The following GLI3 variants were observed in gnomAD, a reference collection of about 807,000 sequenced individuals.
GLI3 encodes GLI family zinc finger 3, also known as transcription activator GLI3.
Under a neutral mutation model 100.8 loss-of-function variants are expected in GLI3, and 20 were observed. The observed-to-expected ratio is 0.20, with a 90% CI of 0.14 to 0.29. The LOEUF is 0.29. GLI3 is among the 10% of genes least tolerant of loss of function. GLI3 has a pLI of 1.00. For synonymous variants in GLI3, 938 were observed against 860.5 expected (o/e 1.09, Z -1.58); for missense variants, 2,040 against 2,128.5 (o/e 0.96, Z 0.82).
chr7:42,192,092 T>C (rs907937552), intron 2 of GLI3, among the ~76,000 whole-genome samples: 3 of 151,966 alleles, frequency 2.0e-5, no homozygotes, highest in African/African-American at 7.3e-5. Flanking sequence ...AATAGGAAAA[T>C]TGTACCTTAT....
chr7:42,135,374 T>C (rs1440380409), intron 3 of GLI3, among the ~76,000 whole-genome samples: 1 of 152,258 alleles, frequency 6.6e-6, no homozygotes, highest in Non-Finnish European at 1.5e-5. Flanking sequence ...TTTTCTTATT[T>C]TCCTGATGTA....
intron 2 of GLI3, among the ~76,000 whole-genome samples, chr7:42,208,001 A>C (rs961895260): frequency 2.0e-5 from 3 of 152,198 alleles, no homozygotes; most frequent in African/African-American, 7.2e-5. Flanking sequence ...CTACTAAAAA[A>C]TACAAAAATT....
chr7:42,031,845 C>T (rs971704921), intron 7 of GLI3, among the ~76,000 whole-genome samples: 8 of 152,012 alleles, frequency 5.3e-5, no homozygotes, highest in African/African-American at 1.7e-4. Flanking sequence ...ATTAACAAAC[C>T]GTTGTCTGAC....
chr7:42,241,153 G>C (rs1406004830), upstream of GLI3, among the ~76,000 whole-genome samples: 1 of 152,128 alleles, frequency 6.6e-6, no homozygotes, highest in Non-Finnish European at 1.5e-5. Flanking sequence ...AGGATCTAGG[G>C]GCTCCAATAA....
rs199711555 is a variant in GLI3 at position 42,148,130 on chromosome 7, A to AGC, written c.367+94_367+95dup. ...AATTATACAAGCCAAAACTTCATAA[A>AGC]GCGCGCACACACACACACACACACA... On this transcript the variant is annotated intron_variant, in intron 3 of 14. Transcript: ENST00000395925. 0.012 allele frequency: 14,696 copies of AGC among 1,189,180 alleles called. 94 individuals carry two copies. The highest frequency in any genetic ancestry group is 0.013 in the Non-Finnish European group (11,828 of 888,094). The allele number at this position is 1,189,180 out of a possible 1,614,324, so 73.7% of individuals were successfully genotyped here.
chr7:42,106,882 T>C (rs1785588563), intron 3 of GLI3, among the ~76,000 whole-genome samples: 1 of 152,010 alleles, frequency 6.6e-6, no homozygotes, highest in Admixed American at 6.6e-5. Flanking sequence ...CCTATGTTGG[T>C]ATCTGCCCCA....
chr7:42,075,606 A>C (rs1454067921), intron 4 of GLI3, among the ~76,000 whole-genome samples: 1 of 152,194 alleles, frequency 6.6e-6, no homozygotes, highest in Non-Finnish European at 1.5e-5. Flanking sequence ...AACTCAAAGG[A>C]TCAGTCACAA....
At chr7:42,203,849 G>C (rs978839762) in intron 2 of GLI3, among the ~76,000 whole-genome samples, 1 of 152,038 alleles carries the variant, frequency 6.6e-6, no homozygotes, top group Non-Finnish European at 1.5e-5. Context: ...AGATACAAAA[G>C]TTAGCTGGAT....
intron 10 of GLI3, 49 bp from the exon 11 acceptor site, chr7:41,978,797 T>C (rs1374372063): frequency 6.4e-7 from 1 of 1,559,040 alleles, no homozygotes; most frequent in East Asian, 2.2e-5. Context: ...GTATTCATCA[T>C]TTCTGAAGGC....
chr7:42,004,404 A>G (rs1788391505), intron 10 of GLI3, among the ~76,000 whole-genome samples: 1 of 152,224 alleles, frequency 6.6e-6, no homozygotes, highest in Non-Finnish European at 1.5e-5. Flanking sequence ...CATAAAATAC[A>G]GAGGCATGAG....
chr7:42,214,221 A>T (rs1773221854), intron 2 of GLI3, among the ~76,000 whole-genome samples: 2 of 152,210 alleles, frequency 1.3e-5, no homozygotes, highest in South Asian at 2.1e-4. Context: ...GAGAGGGAAC[A>T]AAAGAATCAA....
chr7:42,077,709 T>C (rs1784910508), intron 3 of GLI3, among the ~76,000 whole-genome samples: 1 of 151,746 alleles, frequency 6.6e-6, no homozygotes, highest in Admixed American at 6.6e-5. Flanking sequence ...TCACACCCAT[T>C]GTCACTGAAA....
rs533829553 is a variant in GLI3, at chr7:42,108,191, G to A, written c.368-31334C>T. Among the ~76,000 whole-genome samples the A allele has an allele frequency of 3.0e-4, 46 of 152,258 alleles. 1 individual carries two copies. Among genetic ancestry groups the A allele is most frequent in the South Asian group, 1.7e-3 (8 of 4,820 alleles). On this transcript the variant is annotated intron_variant, in intron 3 of 14. Coordinates refer to ENST00000395925, the MANE Select transcript of GLI3 (RefSeq NM_000168.6). ...AAGGACCTGAATGCTTGGTGAGTCC[G>A]CAGAAATACGTGGATGCTTAATGGA...
chr7:42,082,591 T>A (rs976055858), intron 3 of GLI3, among the ~76,000 whole-genome samples: 4 of 152,108 alleles, frequency 2.6e-5, no homozygotes, highest in African/African-American at 9.7e-5. Flanking sequence ...CATCACCTCA[T>A]GGAGCACTAG....
chr7:41,993,210 C>T (rs369470121), intron 10 of GLI3, among the ~76,000 whole-genome samples: 2 of 152,222 alleles, frequency 1.3e-5, no homozygotes, highest in Admixed American at 1.3e-4. Flanking sequence ...CACCTGACCA[C>T]CCCTGAAACA....
intron 2 of GLI3, among the ~76,000 whole-genome samples, chr7:42,163,194 A>G (rs1238360270): frequency 6.6e-6 from 1 of 151,814 alleles, no homozygotes. Context: ...ATCTATCTCT[A>G]TACACCTGCC....
At chr7:42,135,853 A>G (rs1468149177) in intron 3 of GLI3, among the ~76,000 whole-genome samples, 2 of 144,328 alleles carry the variant, frequency 1.4e-5, no homozygotes, top group East Asian at 4.4e-4. Flanking sequence ...TGTGGAAAAA[A>G]ACTGTTTTCT....
intron 2 of GLI3, among the ~76,000 whole-genome samples, chr7:42,183,595 G>C (rs897161145): frequency 2.0e-5 from 3 of 152,108 alleles, no homozygotes; most frequent in Non-Finnish European, 2.9e-5. Context: ...TTTCTTTCCA[G>C]GTCACTGAAG....
intron 10 of GLI3, among the ~76,000 whole-genome samples, chr7:42,012,440 C>T (rs777776177): frequency 2.0e-5 from 3 of 151,790 alleles, no homozygotes; most frequent in Non-Finnish European, 4.4e-5. Flanking sequence ...ACTACATTTA[C>T]TTGAGTAACC....
Sources: gnomAD v4.1 joint callset for allele counts (sites outside exome capture counted in the v4.1 genomes callset) on GRCh38, gnomAD v4.1.1 for gene constraint, MANE v1.5 for transcripts, NCBI Gene and HGNC (gene_info 2026-07-23, HGNC 2026-07-21) for gene names.